Variants in PARD3 observed in about 807,000 individuals in gnomAD.
PARD3 encodes par-3 family cell polarity regulator, also known as partitioning defective 3 homolog.
PARD3 carries 75 observed loss-of-function variants against 155.4 expected under a neutral mutation model. That is an observed-to-expected ratio of 0.48 (90% CI 0.40 to 0.58). The LOEUF (loss-of-function observed/expected upper bound fraction) is 0.58, where lower values mean the gene tolerates loss of function less well. Among genes scored for constraint, PARD3 ranks in the 20% least tolerant of loss-of-function variants. PARD3 has a pLI of 0.00. For missense variants in PARD3, 1,642 were observed against 1,721.7 expected, an observed-to-expected ratio of 0.95 and a Z score of 0.82; for synonymous variants, 576 against 610.5, an observed-to-expected ratio of 0.94 and a Z score of 0.83.
intron 7 of PARD3, among the ~76,000 whole-genome samples, chr10:34,387,488 C>T (rs936542138): frequency 1.6e-4 from 24 of 152,108 alleles, no homozygotes; most frequent in African/African-American, 4.6e-4. Context: ...AATCACAGCT[C>T]CCTGCAAGCT....
At chr10:34,474,309 A>G (rs1445301435) in intron 3 of PARD3, among the ~76,000 whole-genome samples, 1 of 152,146 alleles carries the variant, frequency 6.6e-6, no homozygotes, top group Non-Finnish European at 1.5e-5. Flanking sequence ...GGTCCAAATA[A>G]ATAGACCCCG....
chr10:34,551,499 T>G (rs1473417109), intron 2 of PARD3, among the ~76,000 whole-genome samples: 1 of 152,108 alleles, frequency 6.6e-6, no homozygotes, highest in Admixed American at 6.5e-5. Flanking sequence ...GACCCCACCT[T>G]TGATTCCAAT....
In PARD3 at chr10:34,542,464, CA is replaced by C. The variant is rs2083712938; in HGVS notation, c.223-25306del. Among the ~76,000 whole-genome samples, 8 of 152,226 alleles carry C rather than the reference CA, an allele frequency of 5.3e-5. No individual in the cohort carries two copies. In the South Asian group the frequency reaches 1.7e-3, roughly 32 times the overall value. ...CAATACACAGGACAGTCCCACACAA[CA>C]AAGAATAATCCAGTCCAAAATGTCA... On this transcript the variant is annotated intron_variant, in intron 2 of 24. Transcript: ENST00000374788.
At chr10:34,191,888 T>C (rs980167522) in intron 22 of PARD3, among the ~76,000 whole-genome samples, 2 of 152,114 alleles carry the variant, frequency 1.3e-5, no homozygotes, top group Non-Finnish European at 2.9e-5. Context: ...CAAAACTTAA[T>C]GAATGATTTC....
chr10:34,642,268 A>G (rs985692620), intron 2 of PARD3, among the ~76,000 whole-genome samples: 2 of 151,580 alleles, frequency 1.3e-5, no homozygotes, highest in South Asian at 2.1e-4. Flanking sequence ...TCTCCACTCA[A>G]TCCTTCCAAC....
chr10:34,357,056 CAG>C (rs1340266447), intron 14 of PARD3, among the ~76,000 whole-genome samples: 4 of 152,246 alleles, frequency 2.6e-5, no homozygotes, highest in East Asian at 1.9e-4. Flanking sequence ...GAATAAAACA[CAG>C]AGATATTTCA....
At chr10:34,587,295 A>T (rs1590124418) in intron 2 of PARD3, among the ~76,000 whole-genome samples, 1 of 151,872 alleles carries the variant, frequency 6.6e-6, no homozygotes, top group African/African-American at 2.4e-5. Context: ...GCTAATTTTT[A>T]TATTTTTAGT....
At chr10:34,310,564 G>T (rs952406287) in intron 20 of PARD3, among the ~76,000 whole-genome samples, 2 of 152,194 alleles carry the variant, frequency 1.3e-5, no homozygotes, top group African/African-American at 4.8e-5. Flanking sequence ...TCTGAGAGAG[G>T]CCCAGCCGTC....
chr10:34,181,977 C>T (rs1004792885), intron 22 of PARD3, among the ~76,000 whole-genome samples: 3 of 152,114 alleles, frequency 2.0e-5, no homozygotes, highest in African/African-American at 7.2e-5. Context: ...TAGGATAAAC[C>T]GAACGTGTCA....
At chr10:34,666,251 C>T (rs1038817559) in intron 2 of PARD3, among the ~76,000 whole-genome samples, 1 of 141,320 alleles carries the variant, frequency 7.1e-6, no homozygotes, top group Non-Finnish European at 1.5e-5. Context: ...AAGAAAAATC[C>T]CCATTTAAGT....
chr10:34,113,567 G>A (rs17640305), intron 24 of PARD3, among the ~76,000 whole-genome samples: 2,902 of 151,990 alleles, frequency 0.019, 38 homozygotes, highest in Non-Finnish European at 0.029. Flanking sequence ...CCTTGGTAAG[G>A]AAGTTAGCAG....
At chr10:34,626,658 C>A (rs1049415881) in intron 2 of PARD3, among the ~76,000 whole-genome samples, 2 of 152,196 alleles carry the variant, frequency 1.3e-5, no homozygotes, top group African/African-American at 4.8e-5. Flanking sequence ...AGAGCCCTAA[C>A]TCATATTTGG....
At chr10:34,280,465 T>C (rs949865565) in intron 21 of PARD3, among the ~76,000 whole-genome samples, 1 of 152,170 alleles carries the variant, frequency 6.6e-6, no homozygotes, top group Non-Finnish European at 1.5e-5. Flanking sequence ...AGAATAAACT[T>C]AGAACTAGAG....
chr10:34,709,413 C>T (rs149504377), intron 1 of PARD3, among the ~76,000 whole-genome samples: 11 of 152,228 alleles, frequency 7.2e-5, no homozygotes, highest in South Asian at 2.1e-4. Flanking sequence ...TATACACACA[C>T]GCAGGAATAA....
At chr10:34,661,964 C>T (rs1166659594) in intron 2 of PARD3, among the ~76,000 whole-genome samples, 1 of 152,198 alleles carries the variant, frequency 6.6e-6, no homozygotes. Context: ...GAAGGTCCTG[C>T]AGCCAGATCC....
At chr10:34,368,786 A>G (rs1213852511) in intron 12 of PARD3, among the ~76,000 whole-genome samples, 2 of 148,212 alleles carry the variant, frequency 1.3e-5, no homozygotes, top group Admixed American at 6.8e-5. Flanking sequence ...ATGGAAATCA[A>G]TGGTACTAAA....
chr10:34,123,957 T>C (rs1020905375), intron 23 of PARD3, among the ~76,000 whole-genome samples: 1 of 152,230 alleles, frequency 6.6e-6, no homozygotes, highest in East Asian at 1.9e-4. Flanking sequence ...CTGCCACTTA[T>C]GAAATAAAAT....
chr10:34,587,512 T>A (rs543735407), intron 2 of PARD3, among the ~76,000 whole-genome samples: 3 of 152,148 alleles, frequency 2.0e-5, no homozygotes, highest in South Asian at 2.1e-4. Flanking sequence ...GCAGGCACAG[T>A]GCTACCTCAA....
chr10:34,368,751 G>GA (rs1840249731), intron 12 of PARD3, among the ~76,000 whole-genome samples: 1 of 149,448 alleles, frequency 6.7e-6, no homozygotes, highest in South Asian at 2.1e-4. Flanking sequence ...GCTGGGAAAG[G>GA]ACAGAAGTGT....
Sources: allele counts gnomAD v4.1 joint callset (sites outside exome capture counted in the v4.1 genomes callset), GRCh38; gene constraint gnomAD v4.1.1; transcripts MANE v1.5; gene names NCBI Gene and HGNC (gene_info 2026-07-23, HGNC 2026-07-21).